LIPM: variants seen among roughly 807,000 people sequenced by gnomAD.
The protein encoded by LIPM is lipase family member M, also known as lipase member M.
A neutral mutation model predicts 42.4 loss-of-function variants in LIPM; 42 were observed. That is an observed-to-expected ratio of 0.99 (90% CI 0.77 to 1.28). The LOEUF (loss-of-function observed/expected upper bound fraction) is 1.28. Among genes scored for constraint, LIPM ranks in the 50% most tolerant of loss-of-function variants. The pLI is 0.00. For missense variants in LIPM, 524 were observed against 520.1 expected, an observed-to-expected ratio of 1.01 and a Z score of -0.07; for synonymous variants, 177 against 173.3, an observed-to-expected ratio of 1.02 and a Z score of -0.17.
Position 88,820,385 on chromosome 10 carries a change from C to G in LIPM, c.1156C>G (p.His386Asp), listed in dbSNP as rs775579873. 1 of 1,552,292 alleles carries G rather than the reference C, an allele frequency of 6.4e-7. No individual in the cohort carries two copies. The highest frequency in any genetic ancestry group is 1.2e-5 in the South Asian group (1 of 84,062). ...CCATAAGAATATTCCTGAATGGGCTCACGTGGATTTCATCTGGGGTTTGGA... is the reference window on the plus strand; with the variant it reads ...CCATAAGAATATTCCTGAATGGGCTGACGTGGATTTCATCTGGGGTTTGGA... ...IYHKNIPEWA[H>D]VDFIWGLDAP... The change falls in exon 9 of 9, where the codon CAC (histidine) becomes GAC (aspartate). Residue 386 changes from histidine to aspartate, a missense_variant. Physicochemically the swap from His to Asp is moderately conservative, Grantham distance 81. Transcript: ENST00000404743.
intron 6 of LIPM, 144 bp from the exon 7 acceptor site, chr10:88,816,672 T>C: frequency 1.6e-6 from 1 of 611,266 alleles, no homozygotes; most frequent in Non-Finnish European, 3.0e-6. Context: ...TACGTGCATG[T>C]ACATATTTTT....
Position 88,808,290 on chromosome 10 carries a change from T to A in LIPM, c.148-8T>A. ...CTGAACCTAAAAGAAATTGTGCTTT[T>A]TCCATAGAGTGAAATCATCCAACAT... On this transcript the variant is annotated splice_polypyrimidine_tract_variant and splice_region_variant and intron_variant, in intron 1 of 8. Coordinates refer to ENST00000404743, the MANE Select transcript of LIPM (RefSeq NM_001128215.1). 1 of 1,511,216 alleles carries A rather than the reference T, an allele frequency of 6.6e-7. No individual in the cohort carries two copies. Among genetic ancestry groups the A allele is most frequent in the Non-Finnish European group, 9.0e-7 (1 of 1,110,308 alleles). The allele number at this position is 1,511,216 out of a possible 1,614,324, so 93.6% of individuals were successfully genotyped here. A position where few individuals can be genotyped will look rare whatever the true frequency, so the allele number is the denominator to read the frequency against.
intron 8 of LIPM, among the ~76,000 whole-genome samples, chr10:88,818,812 C>T (rs74347897): frequency 0.097 from 14,833 of 152,166 alleles, 1,479 homozygotes; most frequent in African/African-American, 0.26. Flanking sequence ...TCAGCTGCTT[C>T]TCTTGAAGTC....
At position 88,803,014 on chromosome 10, in the gene LIPM, G is replaced by A. The variant is rs1414189302; in HGVS notation, c.118G>A (p.Ala40Thr). 1.0e-5 allele frequency: 16 copies of A among 1,551,176 alleles called. No individual in the cohort carries two copies. The highest frequency in any genetic ancestry group is 1.4e-5 in the Non-Finnish European group (16 of 1,146,662). The stretch of plus-strand genomic sequence containing the variant: ...GAATTCAGTACATATGCCAACTAAA[G>A]CTGTGGACCCAGAAGCATTCATGAA... Reference protein sequence around the residue: ...NVNSVHMPTKAVDPEAFMNIS... With the variant: ...NVNSVHMPTKTVDPEAFMNIS... Residue 40 changes from alanine (A) to threonine (T), a missense_variant, in exon 1 of 9, where the codon GCT becomes ACT. Coordinates refer to ENST00000404743, the MANE Select transcript of LIPM (RefSeq NM_001128215.1).
At chr10:88,813,439 A>G (rs1382654575) in intron 3 of LIPM, 144 bp downstream of exon 3, 5 of 659,526 alleles carry the variant, frequency 7.6e-6, no homozygotes, top group Non-Finnish European at 9.9e-6. Context: ...TTTCTTAATT[A>G]ACTAGTGATT....
At chr10:88,810,692 C>A (rs1843644214) in intron 2 of LIPM, among the ~76,000 whole-genome samples, 1 of 152,142 alleles carries the variant, frequency 6.6e-6, no homozygotes, top group Non-Finnish European at 1.5e-5. Context: ...GAAATGACAG[C>A]TGTGTAAGTG....
intron 2 of LIPM, among the ~76,000 whole-genome samples, chr10:88,808,794 C>T (rs1165559253): frequency 6.6e-6 from 1 of 152,146 alleles, no homozygotes; most frequent in Non-Finnish European, 1.5e-5. Flanking sequence ...TTCTTTATGG[C>T]ACCTGGTACC....
At chr10:88,815,256 C>T (rs371872718) in intron 5 of LIPM, 32 bp downstream of exon 5, 20 of 1,546,900 alleles carry the variant, frequency 1.3e-5, no homozygotes, top group South Asian at 4.8e-5. Flanking sequence ...TTCCTGTGTA[C>T]GTAGAAAAAT....
chr10:88,811,723 A>G (rs567055116), intron 2 of LIPM, among the ~76,000 whole-genome samples: 1 of 152,072 alleles, frequency 6.6e-6, no homozygotes, highest in South Asian at 2.1e-4. Flanking sequence ...GTTTTACCCC[A>G]TTTATTTTAT....
intron 3 of LIPM, 52 bp from the exon 4 acceptor site, chr10:88,814,478 T>C: frequency 7.6e-7 from 1 of 1,314,832 alleles, no homozygotes; most frequent in Non-Finnish European, 1.1e-6. Context: ...GGGGAGCTTT[T>C]GTTTGTTTCT....
At position 88,809,233 on chromosome 10, in the gene LIPM, G is replaced by T. The variant is rs547022255; in HGVS notation, c.265+818G>T. ...ACCTCCCAAAGTGCTGGGATTACAG[G>T]CATGAGCCACCGCGCCTGGCTATAC... On this transcript the variant is annotated intron_variant, in intron 2 of 8. Coordinates refer to ENST00000404743, the MANE Select transcript of LIPM (RefSeq NM_001128215.1). 6.0e-4 allele frequency among the ~76,000 whole-genome samples: 92 copies of T among 152,228 alleles called. 2 individuals carry two copies. The highest frequency in any genetic ancestry group is 1.0e-3 in the Non-Finnish European group (71 of 68,028).
chr10:88,803,174 A>G, intron 1 of LIPM, 131 bp downstream of exon 1: 1 of 1,015,830 alleles, frequency 9.8e-7, no homozygotes, highest in Non-Finnish European at 1.4e-6. Flanking sequence ...GAAGTAGCAA[A>G]TTGTACTGGA....
At chr10:88,809,984 C>A (rs931529169) in intron 2 of LIPM, among the ~76,000 whole-genome samples, 2 of 152,144 alleles carry the variant, frequency 1.3e-5, no homozygotes, top group Non-Finnish European at 2.9e-5. Context: ...TCTTTGCTAC[C>A]TATTGAGTTC....
At position 88,818,072 on chromosome 10, in the gene LIPM, C is replaced by G. The variant is rs750584501; in HGVS notation, c.1002+176C>G. On this transcript the variant is annotated intron_variant, in intron 8 of 8. Coordinates refer to ENST00000404743, the MANE Select transcript of LIPM (RefSeq NM_001128215.1). ...TTAAGTTCACAGCTGATCCAAGAAA[C>G]CTCTCTGCTTTTACAATGGAGTAGG... 3.9e-5 allele frequency among the ~76,000 whole-genome samples: 6 copies of G among 152,264 alleles called. No individual in the cohort carries two copies. In the South Asian group the frequency reaches 8.3e-4, roughly 21 times the overall value.
intron 2 of LIPM, among the ~76,000 whole-genome samples, 174 bp downstream of exon 2, chr10:88,808,589 C>T (rs553295801): frequency 1.1e-4 from 16 of 152,256 alleles, no homozygotes; most frequent in African/African-American, 3.6e-4. Context: ...CGTGTCCGTC[C>T]CCACTGCCAC....
chr10:88,812,641 G>A (rs1843668531), intron 2 of LIPM, among the ~76,000 whole-genome samples: 1 of 152,206 alleles, frequency 6.6e-6, no homozygotes, highest in African/African-American at 2.4e-5. Context: ...TATTTGAACA[G>A]TGGGAGCTCC....
At chr10:88,816,362 G>A (rs1843718330) in intron 6 of LIPM, among the ~76,000 whole-genome samples, 1 of 152,076 alleles carries the variant, frequency 6.6e-6, no homozygotes, top group Non-Finnish European at 1.5e-5. Flanking sequence ...TTATAGTAAG[G>A]ATATGAAAAG....
intron 2 of LIPM, among the ~76,000 whole-genome samples, chr10:88,811,611 A>G (rs978840877): frequency 1.3e-5 from 2 of 152,160 alleles, no homozygotes; most frequent in African/African-American, 4.8e-5. Context: ...TGATATTCTT[A>G]TAATTCTTTA....
chr10:88,809,781 C>G (rs1455802481), intron 2 of LIPM, among the ~76,000 whole-genome samples: 1 of 152,078 alleles, frequency 6.6e-6, no homozygotes, highest in East Asian at 1.9e-4. Flanking sequence ...TTTTTGAAAC[C>G]ACCTTTTTTT....
Sources: allele counts gnomAD v4.1 joint callset (sites outside exome capture counted in the v4.1 genomes callset), GRCh38; gene constraint gnomAD v4.1.1; transcripts MANE v1.5; gene names NCBI Gene and HGNC (gene_info 2026-07-23, HGNC 2026-07-21).